EML5: variants seen among roughly 807,000 people sequenced by gnomAD.
EML5 encodes echinoderm microtubule-associated protein-like 5.
A neutral mutation model predicts 250.0 loss-of-function variants in EML5; 120 were observed. The ratio of observed to expected loss-of-function variants is 0.48; its 90% CI spans 0.41 to 0.56. The LOEUF is 0.56. EML5 is among the 20% of genes least tolerant of loss of function. The pLI is 0.00. For synonymous variants in EML5, 771 were observed against 806.5 expected, an observed-to-expected ratio of 0.96 and a Z score of 0.75; for missense variants, 2,006 against 2,437.6, an observed-to-expected ratio of 0.82 and a Z score of 3.73.
chr14:88,624,833 GTAA>G lies in EML5; in HGVS notation c.4898+134_4898+136del, dbSNP rs1379577013. 1.9e-5 allele frequency: 18 copies of G among 923,780 alleles called. No individual in the cohort carries two copies. In the Admixed American group the frequency reaches 3.4e-4, roughly 17 times the overall value. 57.2% of individuals were successfully genotyped at this position (923,780 alleles called of 1,614,324 possible). On this transcript the variant is annotated intron_variant, in intron 36 of 43. Coordinates refer to ENST00000554922, the MANE Select transcript of EML5 (RefSeq NM_183387.3). ...GAATCAAATAGAAGGCACATAAAAGGTAATAAAGGAGAAGCATATGAGGAGGAA... is the reference window on the plus strand; with the variant it reads ...GAATCAAATAGAAGGCACATAAAAGGTAAAGGAGAAGCATATGAGGAGGAA...
intron 1 of EML5, among the ~76,000 whole-genome samples, chr14:88,789,076 A>G (rs370359100): frequency 1.3e-5 from 2 of 152,110 alleles, no homozygotes; most frequent in South Asian, 4.1e-4. Context: ...GTTTAAAAAA[A>G]AAAAAAAGCT....
Position 88,647,527 on chromosome 14 carries a change from T to A in EML5, c.4020-572A>T, listed in dbSNP as rs1450031788. On this transcript the variant is annotated intron_variant, in intron 28 of 43. Transcript: ENST00000554922. ...GCCTGGGCAACACTGTGAGACCCCATCTCTATAAAAAACACAACAATTAGC... is the reference window on the plus strand; with the variant it reads ...GCCTGGGCAACACTGTGAGACCCCAACTCTATAAAAAACACAACAATTAGC... Among the ~76,000 whole-genome samples, 3 of 151,466 alleles carry A rather than the reference T, an allele frequency of 2.0e-5. No homozygotes were observed. In the East Asian group the frequency reaches 5.8e-4, roughly 29 times the overall value.
intron 41 of EML5, 38 bp from the exon 42 acceptor site, chr14:88,616,917 G>A (rs750847929): frequency 1.3e-6 from 2 of 1,598,296 alleles, no homozygotes; most frequent in South Asian, 2.3e-5. Flanking sequence ...ATCATGGCAA[G>A]TGCGGGCAGG....
chr14:88,631,630 C>T (rs902773204), intron 33 of EML5, among the ~76,000 whole-genome samples: 9 of 152,240 alleles, frequency 5.9e-5, no homozygotes, highest in Middle Eastern at 3.4e-3. Context: ...GTTAGCTGGG[C>T]GTGGTGGCAG....
chr14:88,660,215 C>T (rs867031841), intron 25 of EML5, among the ~76,000 whole-genome samples: 1 of 148,486 alleles, frequency 6.7e-6, no homozygotes, highest in Non-Finnish European at 1.5e-5. Context: ...TCTGGAAGGT[C>T]GATGCTGCAG....
chr14:88,786,161 CT>C (rs1389130260), intron 1 of EML5, among the ~76,000 whole-genome samples: 1 of 152,186 alleles, frequency 6.6e-6, no homozygotes, highest in Non-Finnish European at 1.5e-5. Context: ...CTAGTCTCTA[CT>C]TAAGTGTCAC....
chr14:88,711,546 C>A (rs1448867732), intron 10 of EML5, among the ~76,000 whole-genome samples: 1 of 151,636 alleles, frequency 6.6e-6, no homozygotes, highest in Non-Finnish European at 1.5e-5. Flanking sequence ...CTCACTATCA[C>A]AACAGCAGCA....
At chr14:88,754,692 T>C (rs757150137) in intron 1 of EML5, 21 bp from the exon 2 acceptor site, 22 of 1,562,780 alleles carry the variant, frequency 1.4e-5, no homozygotes, top group Non-Finnish European at 1.9e-5. Flanking sequence ...AGGAAATAAA[T>C]AAGTAGTATT....
chr14:88,766,956 T>G (rs7146735), intron 1 of EML5, among the ~76,000 whole-genome samples: 60,217 of 152,044 alleles, frequency 0.4, 14,234 homozygotes, highest in African/African-American at 0.64. Context: ...TTTACATTCT[T>G]TCATAAATTC....
At chr14:88,709,652 T>G (rs551442382) in intron 10 of EML5, among the ~76,000 whole-genome samples, 72 of 152,286 alleles carry the variant, frequency 4.7e-4, no homozygotes, top group South Asian at 1.2e-3. Context: ...TGGAAAATAT[T>G]TAGGTATTTT....
At chr14:88,720,980 C>A (rs1397405360) in intron 8 of EML5, among the ~76,000 whole-genome samples, 2 of 151,982 alleles carry the variant, frequency 1.3e-5, no homozygotes. Flanking sequence ...TATACACCAA[C>A]AACAGGCAAG....
At chr14:88,686,738 G>T (rs1336665752) in intron 19 of EML5, among the ~76,000 whole-genome samples, 1 of 152,128 alleles carries the variant, frequency 6.6e-6, no homozygotes, top group Non-Finnish European at 1.5e-5. Context: ...TTGAGTCTAG[G>T]GGTTCAAGGT....
intron 20 of EML5, 102 bp from the exon 21 acceptor site, chr14:88,682,133 A>G: frequency 8.3e-7 from 1 of 1,208,428 alleles, no homozygotes; most frequent in Non-Finnish European, 1.1e-6. Context: ...ATATATGATA[A>G]TAGGATACCG....
chr14:88,773,678 T>A (rs1450429478), intron 1 of EML5, among the ~76,000 whole-genome samples: 1 of 152,174 alleles, frequency 6.6e-6, no homozygotes, highest in African/African-American at 2.4e-5. Flanking sequence ...AAATCACAAT[T>A]TCTTTGGGTA....
At chr14:88,650,642 T>G (rs1302494840) in intron 27 of EML5, among the ~76,000 whole-genome samples, 1 of 152,182 alleles carries the variant, frequency 6.6e-6, no homozygotes. Flanking sequence ...TTTTTTTCAT[T>G]TATTTATTCT....
intron 8 of EML5, among the ~76,000 whole-genome samples, chr14:88,719,824 C>T (rs2093562322): frequency 6.6e-6 from 1 of 151,702 alleles, no homozygotes; most frequent in Admixed American, 6.6e-5. Flanking sequence ...ATGAAAATCC[C>T]TCCAAAAAAT....
intron 37 of EML5, chr14:88,621,996 C>T: frequency 2.5e-6 from 1 of 401,588 alleles, no homozygotes; most frequent in South Asian, 1.9e-5. Flanking sequence ...GCTGTGTAAA[C>T]TTGTATCCTT....
rs768084764 is a variant in EML5 at position 88,643,042 on chromosome 14, A to G, written c.4108-20T>C. ...AAGGTCCTATAATGATAATAATAAA[A>G]CCATTATATTCTTCCTCATGTATAA... On this transcript the variant is annotated intron_variant, in intron 30 of 43. Coordinates refer to ENST00000554922, the MANE Select transcript of EML5 (RefSeq NM_183387.3). 12 of 1,549,202 alleles carry G rather than the reference A, an allele frequency of 7.7e-6. No homozygotes were observed. The highest frequency in any genetic ancestry group is 1.0e-5 in the Non-Finnish European group (12 of 1,157,672).
intron 6 of EML5, among the ~76,000 whole-genome samples, chr14:88,736,980 G>A (rs1448511120): frequency 1.3e-5 from 2 of 152,014 alleles, no homozygotes; most frequent in Non-Finnish European, 2.9e-5. Flanking sequence ...TGGGGGGTTG[G>A]GGGCAGGGGA....
Sources: gnomAD v4.1 joint callset for allele counts (sites outside exome capture counted in the v4.1 genomes callset) on GRCh38, gnomAD v4.1.1 for gene constraint, MANE v1.5 for transcripts, NCBI Gene and HGNC (gene_info 2026-07-23, HGNC 2026-07-21) for gene names.